The following ELMOD1 variants were observed in gnomAD, a reference collection of about 807,000 sequenced individuals.
ELMOD1 encodes the protein ELMO domain containing 1, also known as ELMO domain-containing protein 1.
In ELMOD1, 21 loss-of-function variants were observed where a neutral mutation model predicts 46.7. The observed-to-expected ratio is 0.45, with a 90% confidence interval of 0.32 to 0.65. The LOEUF (loss-of-function observed/expected upper bound fraction) is 0.65, where lower values mean the gene tolerates loss of function less well. Ranked by LOEUF, ELMOD1 falls within the 30% of genes least tolerant of loss-of-function variation. The pLI is 0.04. For missense variants in ELMOD1, 348 were observed against 407.8 expected, an observed-to-expected ratio of 0.85 and a Z score of 1.26; for synonymous variants, 122 against 138.2, an observed-to-expected ratio of 0.88 and a Z score of 0.82.
At chr11:107,622,135 A>G (rs543984887) in intron 2 of ELMOD1, among the ~76,000 whole-genome samples, 28 of 152,358 alleles carry the variant, frequency 1.8e-4, no homozygotes, top group African/African-American at 5.8e-4. Context: ...GCGATCAGTG[A>G]CAGGTTATAA....
chr11:107,604,353 A>T (rs777304142), intron 1 of ELMOD1, among the ~76,000 whole-genome samples: 1 of 152,188 alleles, frequency 6.6e-6, no homozygotes, highest in Non-Finnish European at 1.5e-5. Flanking sequence ...CATATTCTGG[A>T]ATTACTTAAC....
intron 1 of ELMOD1, among the ~76,000 whole-genome samples, chr11:107,616,043 T>C (rs1013333580): frequency 3.7e-5 from 5 of 135,402 alleles, no homozygotes; most frequent in Non-Finnish European, 7.7e-5. Flanking sequence ...TTGCCCAGGC[T>C]GGAGTGCAGT....
At chr11:107,603,526 G>A (rs547679494) in intron 1 of ELMOD1, among the ~76,000 whole-genome samples, 13 of 140,318 alleles carry the variant, frequency 9.3e-5, no homozygotes, top group South Asian at 2.3e-4. Context: ...GCGATAGAGC[G>A]AGACCCTGTA....
intron 11 of ELMOD1, among the ~76,000 whole-genome samples, chr11:107,659,065 G>A (rs551576838): frequency 1.3e-5 from 2 of 152,332 alleles, no homozygotes; most frequent in South Asian, 4.1e-4. Context: ...ATAAGGCAAT[G>A]GTGGCTGAGT....
At chr11:107,654,740 G>A (rs1228619304) in intron 10 of ELMOD1, among the ~76,000 whole-genome samples, 2 of 144,694 alleles carry the variant, frequency 1.4e-5, no homozygotes, top group Non-Finnish European at 3.0e-5. Context: ...CTGCACTCCA[G>A]CCTGGGCGAC....
chr11:107,607,323 T>C (rs1865702445), intron 1 of ELMOD1, among the ~76,000 whole-genome samples: 1 of 152,190 alleles, frequency 6.6e-6, no homozygotes, highest in African/African-American at 2.4e-5. Context: ...ACTTTCTCAA[T>C]TACTTTTAGA....
chr11:107,614,519 A>G (rs1384847492), intron 1 of ELMOD1, among the ~76,000 whole-genome samples: 1 of 152,048 alleles, frequency 6.6e-6, no homozygotes, highest in East Asian at 1.9e-4. Context: ...TTGTATTTTT[A>G]GTACAGACAG....
At position 107,650,358 on chromosome 11, in the gene ELMOD1, C is replaced by T. The variant is rs2135709241; in HGVS notation, c.578C>T (p.Thr193Ile). ...NLQYFAERDATAAQQVLSDSL... is the reference protein window; with the variant it reads ...NLQYFAERDAIAAQQVLSDSL... ...AGGTATTTCGCGGAAAGGGATGCCA[C>T]AGCAGCTCAGCAGGTCCTGTCTGAC... Residue 193 changes from threonine (T) to isoleucine (I), a missense_variant, in exon 8 of 12, where the codon ACA (threonine) becomes ATA (isoleucine). By Grantham distance (89) the Thr-to-Ile change is moderately conservative (BLOSUM62 -1). Transcript: ENST00000265840. 1.3e-6 allele frequency: 2 copies of T among 1,591,662 alleles called. No individual in the cohort carries two copies. The highest frequency in any genetic ancestry group is 1.7e-6 in the Non-Finnish European group (2 of 1,168,202).
At chr11:107,634,899 C>CG (rs1443187991) in intron 5 of ELMOD1, among the ~76,000 whole-genome samples, 10 of 152,122 alleles carry the variant, frequency 6.6e-5, no homozygotes, top group South Asian at 2.1e-4. Flanking sequence ...GCTCAGAGAA[C>CG]GGAATTGGAA....
intron 7 of ELMOD1, among the ~76,000 whole-genome samples, chr11:107,647,852 T>G (rs1283613638): frequency 6.6e-6 from 1 of 152,172 alleles, no homozygotes; most frequent in East Asian, 1.9e-4. Flanking sequence ...TATTGAAAAT[T>G]TTCACACATA....
chr11:107,643,831 C>G (rs571296241), intron 6 of ELMOD1: 1 of 301,562 alleles, frequency 3.3e-6, no homozygotes, highest in African/African-American at 2.2e-5. Flanking sequence ...GGTGCCCAGC[C>G]TGGTCCACCT....
Position 107,637,174 on chromosome 11 carries a change from TATC to T in ELMOD1, c.420+1412_420+1414del, listed in dbSNP as rs569424486. Among the ~76,000 whole-genome samples the T allele has an allele frequency of 2.6e-4, 40 of 152,378 alleles. 1 individual carries two copies. In the South Asian group the frequency reaches 7.2e-3, roughly 28 times the overall value. The stretch of plus-strand genomic sequence containing the variant: ...CTGTGGTTATGATTAGATTATCTGT[TATC>T]ATTTAAACTGTCAGCTATATGAGAT... On this transcript the variant is annotated intron_variant, in intron 6 of 11. Coordinates refer to ENST00000265840, the MANE Select transcript of ELMOD1 (RefSeq NM_018712.4).
At position 107,613,282 on chromosome 11, in the gene ELMOD1, C is replaced by CA. The variant is rs767379868; in HGVS notation, c.-85-4822dup. On this transcript the variant is annotated intron_variant, in intron 1 of 11. Coordinates refer to ENST00000265840, the MANE Select transcript of ELMOD1 (RefSeq NM_018712.4). ...ACCTGTAACTATGCTGAGTGCCTTA[C>CA]ATGCTTTGGTTCTTTTAATCCTTAG... is the stretch of plus-strand genomic sequence containing the variant. Among the ~76,000 whole-genome samples, 175 of 152,340 alleles carry CA rather than the reference C, an allele frequency of 1.1e-3. 1 individual carries two copies. The highest frequency in any genetic ancestry group is 2.1e-3 in the Non-Finnish European group (144 of 68,026).
rs1591145703 is a variant in ELMOD1, at chr11:107,666,136, A to G, written c.*939A>G. The G allele has an allele frequency of 6.6e-6, 1 of 152,298 alleles. No individual in the cohort carries two copies. The highest frequency in any genetic ancestry group is 2.1e-4 in the South Asian group (1 of 4,822). 9.4% of individuals were successfully genotyped at this position (152,298 alleles called of 1,614,324 possible). A position where few individuals can be genotyped will look rare whatever the true frequency, so the allele number is the denominator to read the frequency against. On this transcript the variant is annotated 3_prime_UTR_variant, in exon 12 of 12. Transcript: ENST00000265840. ...TTTTTGTTTGAAGTACTGCAAAATTATATTGTAACTTCCCCTCACCCCAGT... is the reference window on the plus strand; with the variant it reads ...TTTTTGTTTGAAGTACTGCAAAATTGTATTGTAACTTCCCCTCACCCCAGT...
chr11:107,617,976 T>C, intron 1 of ELMOD1, 129 bp from the exon 2 acceptor site: 1 of 598,578 alleles, frequency 1.7e-6, no homozygotes, highest in Non-Finnish European at 3.0e-6. Flanking sequence ...CATTGCTCTG[T>C]GGGCAGTTCT....
intron 1 of ELMOD1, among the ~76,000 whole-genome samples, chr11:107,615,842 A>G (rs1405224408): frequency 1.3e-5 from 2 of 151,560 alleles, no homozygotes; most frequent in East Asian, 2.0e-4. Flanking sequence ...GAATGTTCTC[A>G]TGATTAGACT....
intron 11 of ELMOD1, among the ~76,000 whole-genome samples, chr11:107,656,767 A>C (rs1866641677): frequency 6.6e-6 from 1 of 152,158 alleles, no homozygotes; most frequent in Non-Finnish European, 1.5e-5. Context: ...ATAGCACTTA[A>C]GAGTGCAAGT....
At chr11:107,656,776 G>T (rs1409530429) in intron 11 of ELMOD1, among the ~76,000 whole-genome samples, 1 of 152,080 alleles carries the variant, frequency 6.6e-6, no homozygotes, top group Non-Finnish European at 1.5e-5. Flanking sequence ...AAGAGTGCAA[G>T]TTCCGAAGAT....
At chr11:107,633,890 G>C (rs1179435720) in intron 5 of ELMOD1, among the ~76,000 whole-genome samples, 1 of 151,904 alleles carries the variant, frequency 6.6e-6, no homozygotes, top group Non-Finnish European at 1.5e-5. Context: ...CTAGTTGTTT[G>C]GTGCTATGGT....
Sources: gnomAD v4.1 joint callset for allele counts (sites outside exome capture counted in the v4.1 genomes callset) on GRCh38, gnomAD v4.1.1 for gene constraint, MANE v1.5 for transcripts, NCBI Gene and HGNC (gene_info 2026-07-23, HGNC 2026-07-21) for gene names.